TP53BP2: variants seen among roughly 807,000 people sequenced by gnomAD.
TP53BP2 encodes apoptosis-stimulating of p53 protein 2.
Under a neutral mutation model 126.2 loss-of-function variants are expected in TP53BP2, and 62 were observed. The ratio of observed to expected loss-of-function variants is 0.49; its 90% CI spans 0.40 to 0.61. The LOEUF is 0.61. Among genes scored for constraint, TP53BP2 ranks in the 20% least tolerant of loss-of-function variants. The pLI, the probability that TP53BP2 is intolerant of heterozygous loss-of-function variation, is 0.00. For synonymous variants in TP53BP2, 485 were observed against 502.9 expected (o/e 0.96, Z 0.48); for missense variants, 1,215 against 1,402.8 (o/e 0.87, Z 2.14).
intron 9 of TP53BP2, among the ~76,000 whole-genome samples, chr1:223,801,382 A>G (rs181796180): frequency 6.6e-6 from 1 of 152,398 alleles, no homozygotes; most frequent in East Asian, 1.9e-4. Context: ...TAAAATAACA[A>G]ATAATTTGAA....
At chr1:223,809,274 A>G (rs1313064551) in intron 4 of TP53BP2, among the ~76,000 whole-genome samples, 2 of 152,144 alleles carry the variant, frequency 1.3e-5, no homozygotes, top group African/African-American at 4.8e-5. Context: ...TAATTATTAA[A>G]TCAAAGAAAA....
chr1:223,839,523 G>A (rs1664035579), intron 1 of TP53BP2, among the ~76,000 whole-genome samples: 1 of 152,178 alleles, frequency 6.6e-6, no homozygotes. Context: ...ATCTATAATA[G>A]TTTATTCATT....
At chr1:223,825,053 A>ACC (rs1558106505) in intron 1 of TP53BP2, among the ~76,000 whole-genome samples, 2 of 148,734 alleles carry the variant, frequency 1.3e-5, no homozygotes, top group Non-Finnish European at 3.0e-5. Flanking sequence ...ACACACACAC[A>ACC]CCCTAGCCCA....
intron 1 of TP53BP2, among the ~76,000 whole-genome samples, chr1:223,842,530 T>G (rs547647740): frequency 1.5e-4 from 23 of 152,356 alleles, no homozygotes; most frequent in African/African-American, 4.6e-4. Flanking sequence ...CTTCTGGTCT[T>G]CCAGGTGGCA....
intron 1 of TP53BP2, among the ~76,000 whole-genome samples, chr1:223,824,734 A>G (rs1571868905): frequency 6.6e-6 from 1 of 152,210 alleles, no homozygotes; most frequent in African/African-American, 2.4e-5. Context: ...TACCAGAGTA[A>G]AAGTCAACAT....
intron 1 of TP53BP2, among the ~76,000 whole-genome samples, chr1:223,833,386 A>G (rs188840112): frequency 1.1e-3 from 169 of 152,368 alleles, no homozygotes; most frequent in Non-Finnish European, 1.6e-3. Context: ...TCAGAAATCA[A>G]TAACGTGAAG....
chr1:223,804,375 T>C lies in TP53BP2; in HGVS notation c.475-27A>G, dbSNP rs776785017. The C allele has an allele frequency of 3.7e-6, 6 of 1,607,892 alleles. No homozygotes were observed. The Admixed American group carries it at 5.1e-5, about 14-fold the overall frequency. ...TAAAAATAAAAGTAATCATTAGGTA[T>C]GTCATTTTAGGTAAGTACACCACTA... is the stretch of plus-strand genomic sequence containing the variant. On this transcript the variant is annotated intron_variant, in intron 5 of 17. Transcript: ENST00000343537.
Position 223,796,602 on chromosome 1 carries a change from A to T in TP53BP2, c.1949-12T>A. ...AGGCTTACCATATACTAATTGGAAAAGGAAAAAAAAAAGCCCTCATTAGCA... is the reference window on the plus strand; with the variant it reads ...AGGCTTACCATATACTAATTGGAAATGGAAAAAAAAAAGCCCTCATTAGCA... On this transcript the variant is annotated splice_polypyrimidine_tract_variant and intron_variant, in intron 12 of 17. Coordinates refer to ENST00000343537, the MANE Select transcript of TP53BP2 (RefSeq NM_001031685.3). This position sits in a 1 kb window ranked among gnomAD's most constrained non-coding sequence, Gnocchi z 4.2. The T allele has an allele frequency of 6.5e-7, 1 of 1,537,650 alleles. No homozygotes were observed. Among genetic ancestry groups the T allele is most frequent in the Middle Eastern group, 2.2e-4 (1 of 4,570 alleles).
intron 13 of TP53BP2, among the ~76,000 whole-genome samples, chr1:223,794,956 C>A (rs1274399968): frequency 6.6e-6 from 1 of 152,162 alleles, no homozygotes; most frequent in Non-Finnish European, 1.5e-5. Context: ...TGCTATTTTG[C>A]TTTTCACCAG....
In TP53BP2 at chr1:223,800,731, T is replaced by G. The variant is rs1217788698; in HGVS notation, c.1305A>C (p.Val435=). The change falls in exon 10 of 18, where the codon GTA becomes GTC. Residue 435 remains valine, a synonymous_variant. Transcript: ENST00000343537. ...CCAGAGCATTCCCAGTGCTTTGAGGTACAGAAGCAGAGCCTTGGCTTGGGA... is the reference window on the plus strand; with the variant it reads ...CCAGAGCATTCCCAGTGCTTTGAGGGACAGAAGCAGAGCCTTGGCTTGGGA... ...DLFPSQGSAS[V]PQSTGNALDQ... The G allele has an allele frequency of 6.2e-7, 1 of 1,607,398 alleles. No homozygotes were observed. The highest frequency in any genetic ancestry group is 1.3e-5 in the African/African-American group (1 of 74,332).
At chr1:223,816,784 T>C (rs1663099959) in intron 2 of TP53BP2, among the ~76,000 whole-genome samples, 1 of 152,006 alleles carries the variant, frequency 6.6e-6, no homozygotes, top group African/African-American at 2.4e-5. Flanking sequence ...ATGTGGTTCA[T>C]GATAGTAACC....
At chr1:223,788,742 T>C (rs903692803) in intron 16 of TP53BP2, among the ~76,000 whole-genome samples, 1 of 152,126 alleles carries the variant, frequency 6.6e-6, no homozygotes, top group African/African-American at 2.4e-5. Context: ...TAATAGAGGG[T>C]CTTTTGATGG....
chr1:223,833,505 T>C (rs1663814566), intron 1 of TP53BP2, among the ~76,000 whole-genome samples: 1 of 152,176 alleles, frequency 6.6e-6, no homozygotes, highest in African/African-American at 2.4e-5. Context: ...TCTGAAATAG[T>C]CAACATTCTG....
In TP53BP2 at chr1:223,821,102, C is replaced by T. The variant is rs34268065; in HGVS notation, c.175+118G>A. 3.1e-3 allele frequency: 3,881 copies of T among 1,272,150 alleles called. 9 individuals are homozygous for T. The highest frequency in any genetic ancestry group is 3.8e-3 in the Non-Finnish European group (3,461 of 909,284). The allele number at this position is 1,272,150 out of a possible 1,614,324, so 78.8% of individuals were successfully genotyped here. ...GATCAGGAACACTATTTCTGCCGGA[C>T]GTGCTATTCTCCAGTTTCTCCCCGG... On this transcript the variant is annotated intron_variant, in intron 2 of 17. Transcript: ENST00000343537.
intron 1 of TP53BP2, among the ~76,000 whole-genome samples, chr1:223,830,398 T>G (rs966759778): frequency 2.0e-5 from 3 of 152,170 alleles, no homozygotes; most frequent in African/African-American, 7.2e-5. Flanking sequence ...TAGATGAGGT[T>G]GTACAAAAGT....
chr1:223,814,967 C>T (rs980015822), intron 2 of TP53BP2, among the ~76,000 whole-genome samples: 20 of 152,034 alleles, frequency 1.3e-4, no homozygotes. Flanking sequence ...GAAGGGCACA[C>T]CTAAATACCT....
chr1:223,793,464 T>C (rs776450375), intron 13 of TP53BP2, 24 bp from the exon 14 acceptor site: 1 of 1,540,814 alleles, frequency 6.5e-7, no homozygotes, highest in South Asian at 1.3e-5. Flanking sequence ...GGGTGGAAAA[T>C]TTAGGATCCT....
At chr1:223,803,190 T>C in intron 7 of TP53BP2, 81 bp downstream of exon 7, 1 of 1,469,084 alleles carries the variant, frequency 6.8e-7, no homozygotes, top group Non-Finnish European at 9.1e-7. Context: ...AACTGAAATC[T>C]AGCACCTCTT....
At position 223,789,070 on chromosome 1, in the gene TP53BP2, G is replaced by T; in HGVS notation, c.3101C>A (p.Thr1034Asn). 2 of 1,614,202 alleles carry T rather than the reference G, an allele frequency of 1.2e-6. No individual in the cohort carries two copies. Among genetic ancestry groups the T allele is most frequent in the Non-Finnish European group, 1.7e-6 (2 of 1,180,034 alleles). The change falls in exon 16 of 18, where the codon ACT (threonine) becomes AAT (asparagine). Residue 1034 changes from threonine (T) to asparagine (N), a missense_variant. Around this residue, in one of 4 missense-constraint regions of TP53BP2, gnomAD observed 151 missense variants for 231.2 expected, o/e 0.65. Coordinates refer to ENST00000343537, the MANE Select transcript of TP53BP2 (RefSeq NM_001031685.3). ...VFAMTYSDMQ[T>N]AADKCEEMEE... is the part of the protein sequence containing the mutation. The stretch of plus-strand genomic sequence containing the variant: ...CATTTCCTCGCACTTATCTGCAGCA[G>T]TCTGCATGTCACTGTAGGTCATGGC...
Sources: gnomAD v4.1 joint callset for allele counts (sites outside exome capture counted in the v4.1 genomes callset) on GRCh38, gnomAD v4.1.1 for gene constraint, gnomAD v4.1.1 regional missense constraint, Gnocchi (gnomAD v3.1) non-coding constraint, MANE v1.5 for transcripts, NCBI Gene and HGNC (gene_info 2026-07-23, HGNC 2026-07-21) for gene names.